The following NELL1 variants were observed in gnomAD, a reference collection of about 807,000 sequenced individuals.
NELL1 encodes the protein neural EGFL like 1, also known as protein kinase C-binding protein NELL1.
NELL1 carries 76 observed loss-of-function variants against 107.4 expected under a neutral mutation model. The observed-to-expected ratio is 0.71, with a 90% CI of 0.59 to 0.86. The LOEUF (loss-of-function observed/expected upper bound fraction) is 0.86, where lower values mean the gene tolerates loss of function less well. Among genes scored for constraint, NELL1 ranks in the 40% least tolerant of loss-of-function variants. The probability of loss-of-function intolerance (pLI) is 0.00; values close to 1 mark genes in which losing one functional copy is unlikely to be tolerated. For synonymous variants in NELL1, 353 were observed against 341.2 expected, an observed-to-expected ratio of 1.03 and a Z score of -0.38; for missense variants, 1,024 against 1,005.5, an observed-to-expected ratio of 1.02 and a Z score of -0.25.
intron 12 of NELL1, among the ~76,000 whole-genome samples, chr11:21,102,590 A>G (rs75042645): frequency 6.6e-6 from 1 of 152,164 alleles, no homozygotes; most frequent in Non-Finnish European, 1.5e-5. Context: ...TGAGTTAATA[A>G]TATAGGACAG....
chr11:21,528,726 C>T (rs567752535), intron 15 of NELL1, among the ~76,000 whole-genome samples: 1 of 152,076 alleles, frequency 6.6e-6, no homozygotes, highest in Non-Finnish European at 1.5e-5. Context: ...GAAAGTGAAG[C>T]TCAAAAAAGA....
intron 15 of NELL1, among the ~76,000 whole-genome samples, chr11:21,433,001 G>A (rs1053944853): frequency 8.6e-5 from 13 of 151,968 alleles, no homozygotes; most frequent in Admixed American, 3.9e-4. Flanking sequence ...ACCAACCTCT[G>A]CCTATCCTTC....
chr11:21,285,998 A>T (rs1191493627), intron 14 of NELL1, among the ~76,000 whole-genome samples: 2 of 152,216 alleles, frequency 1.3e-5, no homozygotes, highest in Non-Finnish European at 2.9e-5. Flanking sequence ...GCCTGTAGAT[A>T]GAAATGAGAC....
rs568361659 is a variant in NELL1 at position 21,382,675 on chromosome 11, A to T, written c.1645+11727A>T. Reference sequence around the variant, plus strand: ...TCCACCTTTCCATAGGGCCCTTTGTAACTTTACCATTAATGAAGGGAGCTA... The same window carrying T: ...TCCACCTTTCCATAGGGCCCTTTGTTACTTTACCATTAATGAAGGGAGCTA... On this transcript the variant is annotated intron_variant, in intron 15 of 19. Coordinates refer to ENST00000357134, the MANE Select transcript of NELL1 (RefSeq NM_006157.5). 2.0e-5 allele frequency among the ~76,000 whole-genome samples: 3 copies of T among 151,962 alleles called. No homozygotes were observed. The East Asian group carries it at 5.8e-4, about 30-fold the overall frequency.
At chr11:20,942,437 C>G (rs1850875221) in intron 10 of NELL1, among the ~76,000 whole-genome samples, 1 of 152,070 alleles carries the variant, frequency 6.6e-6, no homozygotes, top group South Asian at 2.1e-4. Context: ...CTTTAATGAT[C>G]TCTTGACTGA....
intron 14 of NELL1, among the ~76,000 whole-genome samples, chr11:21,249,635 G>T (rs562643708): frequency 1.3e-5 from 2 of 152,052 alleles, no homozygotes; most frequent in South Asian, 4.1e-4. Context: ...CTTTATCTAC[G>T]AAATGGTGCA....
chr11:21,575,189 T>TACCA lies in NELL1; in HGVS notation c.*168_*171dup. The stretch of plus-strand genomic sequence containing the variant: ...GTGTTTGGAGGTTGCCTTTTGGACC[T>TACCA]ACCACTTTGCTCATTCTTGCTAACC... On this transcript the variant is annotated 3_prime_UTR_variant, in exon 20 of 20. Transcript: ENST00000357134. 1 of 625,220 alleles carries TACCA rather than the reference T, an allele frequency of 1.6e-6. No individual in the cohort carries two copies. The highest frequency in any genetic ancestry group is 2.9e-6 in the Non-Finnish European group (1 of 349,742). 38.7% of individuals were successfully genotyped at this position (625,220 alleles called of 1,614,324 possible). A position where few individuals can be genotyped will look rare whatever the true frequency, so the allele number is the denominator to read the frequency against.
chr11:20,862,814 G>C (rs989904088), intron 4 of NELL1, among the ~76,000 whole-genome samples: 1 of 151,990 alleles, frequency 6.6e-6, no homozygotes, highest in Non-Finnish European at 1.5e-5. Flanking sequence ...CTCTCAACGA[G>C]CATGCTGCCT....
intron 12 of NELL1, among the ~76,000 whole-genome samples, chr11:21,113,121 A>G (rs1855145882): frequency 6.6e-6 from 1 of 151,948 alleles, no homozygotes; most frequent in African/African-American, 2.4e-5. Flanking sequence ...GGGAGAAACT[A>G]GCTACACCAT....
chr11:21,139,642 G>T (rs978356216), intron 13 of NELL1, among the ~76,000 whole-genome samples: 1 of 152,176 alleles, frequency 6.6e-6, no homozygotes, highest in African/African-American at 2.4e-5. Flanking sequence ...CTAGAATGGT[G>T]CCTGGTACAT....
intron 15 of NELL1, among the ~76,000 whole-genome samples, chr11:21,512,321 C>A (rs748528703): frequency 1.3e-5 from 2 of 152,002 alleles, no homozygotes; most frequent in African/African-American, 4.8e-5. Context: ...ATAATTAGGA[C>A]AAGACAGAGT....
At chr11:21,110,277 A>G (rs931808802) in intron 12 of NELL1, among the ~76,000 whole-genome samples, 39 of 152,124 alleles carry the variant, frequency 2.6e-4, no homozygotes, top group African/African-American at 9.4e-4. Context: ...CCTACTCAAA[A>G]ACACATCAGC....
intron 14 of NELL1, among the ~76,000 whole-genome samples, chr11:21,315,425 C>T (rs891254851): frequency 2.6e-5 from 4 of 151,740 alleles, no homozygotes; most frequent in African/African-American, 9.7e-5. Flanking sequence ...AGCAGTGCAC[C>T]AGATTCAGGA....
intron 15 of NELL1, among the ~76,000 whole-genome samples, chr11:21,524,057 G>A (rs979307986): frequency 6.6e-6 from 1 of 151,908 alleles, no homozygotes; most frequent in Non-Finnish European, 1.5e-5. Context: ...TTTACATTTT[G>A]AACATATTTT....
At chr11:21,388,323 T>C (rs1851793104) in intron 15 of NELL1, among the ~76,000 whole-genome samples, 1 of 151,846 alleles carries the variant, frequency 6.6e-6, no homozygotes, top group African/African-American at 2.4e-5. Flanking sequence ...AACTTCTCAA[T>C]CTGTATCTCC....
At chr11:20,944,779 A>G (rs1038555324) in intron 10 of NELL1, among the ~76,000 whole-genome samples, 22 of 152,200 alleles carry the variant, frequency 1.4e-4, no homozygotes, top group African/African-American at 5.1e-4. Flanking sequence ...TTTCAAATTC[A>G]TGCAAAAAGG....
intron 2 of NELL1, among the ~76,000 whole-genome samples, chr11:20,719,090 T>C (rs1037983697): frequency 1.1e-4 from 17 of 152,222 alleles, no homozygotes; most frequent in African/African-American, 4.1e-4. Flanking sequence ...AGCAAGGAAG[T>C]GGCCTCCCCT....
At chr11:21,063,019 T>C (rs770935174) in intron 12 of NELL1, among the ~76,000 whole-genome samples, 1 of 151,938 alleles carries the variant, frequency 6.6e-6, no homozygotes, top group Non-Finnish European at 1.5e-5. Flanking sequence ...TATGTGTATA[T>C]GTATTTTTAG....
At chr11:21,100,084 T>C (rs1204720320) in intron 12 of NELL1, among the ~76,000 whole-genome samples, 1 of 152,038 alleles carries the variant, frequency 6.6e-6, no homozygotes, top group Non-Finnish European at 1.5e-5. Context: ...TGTCACAGTC[T>C]TGGCTCACTG....
Sources: gnomAD v4.1 joint callset for allele counts (sites outside exome capture counted in the v4.1 genomes callset) on GRCh38, gnomAD v4.1.1 for gene constraint, MANE v1.5 for transcripts, NCBI Gene and HGNC (gene_info 2026-07-23, HGNC 2026-07-21) for gene names.